EFHD2: variants seen among roughly 807,000 people sequenced by gnomAD.
The protein encoded by EFHD2 is EF-hand domain-containing protein D2.
In EFHD2, 12 loss-of-function variants were observed where a neutral mutation model predicts 20.3. That is an observed-to-expected ratio of 0.59 (90% CI 0.38 to 0.96). EFHD2 has a LOEUF of 0.96. Ranked by LOEUF, EFHD2 falls within the 40% of genes least tolerant of loss-of-function variation. EFHD2 has a pLI of 0.00. For missense variants in EFHD2, 250 were observed against 334.3 expected, an observed-to-expected ratio of 0.75 and a Z score of 1.97; for synonymous variants, 131 against 143.9, an observed-to-expected ratio of 0.91 and a Z score of 0.64.
rs1707913357 is a variant in EFHD2 at position 15,428,641 on chromosome 1, G to C, written c.640G>C (p.Glu214Gln). 10 of 1,610,914 alleles carry C rather than the reference G, an allele frequency of 6.2e-6. No individual in the cohort carries two copies. The highest frequency in any genetic ancestry group is 8.5e-6 in the Non-Finnish European group (10 of 1,179,024). Residue 214 changes from glutamate (E) to glutamine (Q), a missense_variant, in exon 4 of 4, where the codon GAG becomes CAG. By Grantham distance (29) the Glu-to-Gln change is conservative. Coordinates refer to ENST00000375980, the MANE Select transcript of EFHD2 (RefSeq NM_024329.6). ...SSRFEEEIKA[E>Q]QEERKKQAEE... ...CCGCTTCGAGGAGGAGATCAAGGCAGAGCAGGAGGAAAGGAAGAAGCAGGC... is the reference window on the plus strand; with the variant it reads ...CCGCTTCGAGGAGGAGATCAAGGCACAGCAGGAGGAAAGGAAGAAGCAGGC...
intron 1 of EFHD2, among the ~76,000 whole-genome samples, chr1:15,411,090 A>C (rs1707493324): frequency 6.6e-6 from 1 of 151,302 alleles, no homozygotes; most frequent in South Asian, 2.1e-4. Context: ...CCGGGTTTGG[A>C]AGGCCTCCCT....
In EFHD2 at chr1:15,410,091, AC is replaced by A; in HGVS notation, c.123del (p.Asp42ThrfsTer14). The A allele has an allele frequency of 7.0e-7, 1 of 1,430,250 alleles. No individual in the cohort carries two copies. Among genetic ancestry groups the A allele is most frequent in the Non-Finnish European group, 9.1e-7 (1 of 1,097,004 alleles). 88.6% of individuals were successfully genotyped at this position (1,430,250 alleles called of 1,614,324 possible). On this transcript the variant is annotated frameshift_variant, in exon 1 of 4. Transcript: ENST00000375980. LOFTEE classifies it high-confidence loss of function. Reference sequence around the variant, plus strand: ...GGGCAGCGGCGGCGGCGGCGGGGGCACCCGACGAGGCGGCCGAGGCGCTGGG... The same window carrying A: ...GGGCAGCGGCGGCGGCGGCGGGGGCACCGACGAGGCGGCCGAGGCGCTGGG... ...NGAAAAAAGA[P>X]DEAAEALGSA... is the part of the protein sequence containing the mutation.
At chr1:15,421,135 T>C (rs993724069) in intron 1 of EFHD2, among the ~76,000 whole-genome samples, 3 of 152,108 alleles carry the variant, frequency 2.0e-5, no homozygotes, top group African/African-American at 7.2e-5. Flanking sequence ...GATGAGGAAA[T>C]TGAGGTCTGT....
At chr1:15,418,465 C>A (rs1221666837) in intron 1 of EFHD2, among the ~76,000 whole-genome samples, 1 of 151,614 alleles carries the variant, frequency 6.6e-6, no homozygotes, top group South Asian at 2.1e-4. Flanking sequence ...ACCATCACGC[C>A]CGGCTAATTT....
intron 1 of EFHD2, among the ~76,000 whole-genome samples, chr1:15,418,396 C>A (rs1244000302): frequency 6.7e-6 from 1 of 148,510 alleles, no homozygotes; most frequent in East Asian, 2.0e-4. Flanking sequence ...AGCTCCGCCT[C>A]CTGGGTTCAC....
intron 1 of EFHD2, among the ~76,000 whole-genome samples, chr1:15,420,666 C>T (rs1372340337): frequency 6.6e-6 from 1 of 152,144 alleles, no homozygotes; most frequent in South Asian, 2.1e-4. Flanking sequence ...ATTACAGGTG[C>T]GTGCCACCAT....
At chr1:15,411,193 C>T (rs577179822) in intron 1 of EFHD2, among the ~76,000 whole-genome samples, 3 of 151,118 alleles carry the variant, frequency 2.0e-5, no homozygotes, top group Admixed American at 2.0e-4. Context: ...CTCCTCCCCA[C>T]TCCGTATATC....
At chr1:15,423,209 A>G (rs766953299) in intron 1 of EFHD2, among the ~76,000 whole-genome samples, 4 of 152,154 alleles carry the variant, frequency 2.6e-5, no homozygotes, top group African/African-American at 9.7e-5. Context: ...GGCCTGCCTG[A>G]CCCTCTGAGT....
chr1:15,410,094 C>A lies in EFHD2; in HGVS notation c.123C>A (p.Pro41=). The A allele has an allele frequency of 2.8e-6, 4 of 1,444,094 alleles. No homozygotes were observed. The highest frequency in any genetic ancestry group is 1.4e-5 in the South Asian group (1 of 70,258). 89.5% of individuals were successfully genotyped at this position (1,444,094 alleles called of 1,614,324 possible). The change falls in exon 1 of 4, where the codon CCC becomes CCA. Residue 41 remains proline (P), a synonymous_variant. Coordinates refer to ENST00000375980, the MANE Select transcript of EFHD2 (RefSeq NM_024329.6). ...NGAAAAAAGA[P]DEAAEALGSA... The stretch of plus-strand genomic sequence containing the variant: ...CAGCGGCGGCGGCGGCGGGGGCACC[C>A]GACGAGGCGGCCGAGGCGCTGGGCA...
At position 15,426,274 on chromosome 1, in the gene EFHD2, G is replaced by A. The variant is rs1707871348; in HGVS notation, c.456+256G>A. Among the ~76,000 whole-genome samples, 1 of 152,126 alleles carries A rather than the reference G, an allele frequency of 6.6e-6. No homozygotes were observed. Among genetic ancestry groups the A allele is most frequent in the Admixed American group, 6.5e-5 (1 of 15,280 alleles). ...TTCCTTCACATAGGGAGCATATATTGAGCGATTTCTGTATACTTGACCCTG... is the reference window on the plus strand; with the variant it reads ...TTCCTTCACATAGGGAGCATATATTAAGCGATTTCTGTATACTTGACCCTG... On this transcript the variant is annotated intron_variant, in intron 2 of 3. Transcript: ENST00000375980. The surrounding 1 kb of genome is among the most constrained non-coding windows in gnomAD (Gnocchi z 4.6).
rs777804720 is a variant in EFHD2, at chr1:15,427,135, C to G, written c.457-15C>G. Reference sequence around the variant, plus strand: ...CCTCCCTTCCTGACACCGCGCGCCTCCCTCCCCGCTGCAGTTCCTCCTGAT... The same window carrying G: ...CCTCCCTTCCTGACACCGCGCGCCTGCCTCCCCGCTGCAGTTCCTCCTGAT... On this transcript the variant is annotated splice_polypyrimidine_tract_variant and intron_variant, in intron 2 of 3. Coordinates refer to ENST00000375980, the MANE Select transcript of EFHD2 (RefSeq NM_024329.6). 12 of 1,610,438 alleles carry G rather than the reference C, an allele frequency of 7.5e-6. No homozygotes were observed.
rs2103266771 is a variant in EFHD2, at chr1:15,410,056, G to A, written c.85G>A (p.Gly29Arg). Residue 29 changes from glycine to arginine, a missense_variant, in exon 1 of 4, where the codon GGG (glycine) becomes AGG (arginine). Around this residue, in one of 3 missense-constraint regions of EFHD2, gnomAD observed 143 missense variants for 190.6 expected, o/e 0.75. Coordinates refer to ENST00000375980, the MANE Select transcript of EFHD2 (RefSeq NM_024329.6). ...CGGCGGCGAGACCCCGGAGCAGCCC[G>A]GGCTGAACGGGGCAGCGGCGGCGGC... ...EGGGETPEQP[G>R]LNGAAAAAAG... 5.2e-6 allele frequency: 7 copies of A among 1,350,140 alleles called. No individual in the cohort carries two copies. The highest frequency in any genetic ancestry group is 5.7e-6 in the Non-Finnish European group (6 of 1,055,776). The allele number at this position is 1,350,140 out of a possible 1,614,324, so 83.6% of individuals were successfully genotyped here.
chr1:15,416,999 T>G (rs1360061364), intron 1 of EFHD2, among the ~76,000 whole-genome samples: 1 of 151,928 alleles, frequency 6.6e-6, no homozygotes, highest in African/African-American at 2.4e-5. Flanking sequence ...TTTGTAGAGA[T>G]GGGGTCTCAT....
intron 1 of EFHD2, among the ~76,000 whole-genome samples, chr1:15,417,165 C>T (rs553563398): frequency 3.9e-5 from 6 of 152,292 alleles, no homozygotes; most frequent in African/African-American, 1.4e-4. Flanking sequence ...GTTTAAGAAG[C>T]GCTAAGCCTC....
intron 1 of EFHD2, among the ~76,000 whole-genome samples, chr1:15,419,320 G>A (rs1402629059): frequency 6.6e-6 from 1 of 152,246 alleles, no homozygotes; most frequent in Non-Finnish European, 1.5e-5. Flanking sequence ...TCAAGGGGAG[G>A]CAGATAGGAA....
Position 15,409,900 on chromosome 1 carries a change from G to A in EFHD2, c.-72G>A. 1 of 1,191,026 alleles carries A rather than the reference G, an allele frequency of 8.4e-7. No homozygotes were observed. The highest frequency in any genetic ancestry group is 1.0e-6 in the Non-Finnish European group (1 of 963,070). The allele number at this position is 1,191,026 out of a possible 1,614,324, so 73.8% of individuals were successfully genotyped here. A position where few individuals can be genotyped will look rare whatever the true frequency, so the allele number is the denominator to read the frequency against. On this transcript the variant is annotated 5_prime_UTR_variant, in exon 1 of 4. Coordinates refer to ENST00000375980, the MANE Select transcript of EFHD2 (RefSeq NM_024329.6). Reference sequence around the variant, plus strand: ...TGCCTGGCCCGGGGAGTGTCAGGAAGAGGAAGAGCGCGGCCGGCGGCGCTG... The same window carrying A: ...TGCCTGGCCCGGGGAGTGTCAGGAAAAGGAAGAGCGCGGCCGGCGGCGCTG...
Position 15,430,199 on chromosome 1 carries a change from T to A in EFHD2, c.*1475T>A, listed in dbSNP as rs1354712757. On this transcript the variant is annotated 3_prime_UTR_variant, in exon 4 of 4. Transcript: ENST00000375980. ...TATACAGATGAATATAAAATGTTTT[T>A]TTCTTTGGGCTTTTTGCTTCTTTTT... The A allele has an allele frequency of 6.5e-6, 1 of 152,682 alleles. No homozygotes were observed. The highest frequency in any genetic ancestry group is 2.4e-5 in the African/African-American group (1 of 41,456). 9.5% of individuals were successfully genotyped at this position (152,682 alleles called of 1,614,324 possible). A position where few individuals can be genotyped will look rare whatever the true frequency, so the allele number is the denominator to read the frequency against.
At chr1:15,428,540 A>G in intron 3 of EFHD2, 53 bp from the exon 4 acceptor site, 1 of 1,567,538 alleles carries the variant, frequency 6.4e-7, no homozygotes, top group South Asian at 1.2e-5. Context: ...AGCACAGAGA[A>G]CCCCCAACAT....
chr1:15,421,072 T>G (rs1320421249), intron 1 of EFHD2, among the ~76,000 whole-genome samples: 1 of 152,198 alleles, frequency 6.6e-6, no homozygotes, highest in Non-Finnish European at 1.5e-5. Flanking sequence ...TTGTATCGTC[T>G]CTTTTAATCC....
Sources: gnomAD v4.1 joint callset for allele counts (sites outside exome capture counted in the v4.1 genomes callset) on GRCh38, gnomAD v4.1.1 for gene constraint, gnomAD v4.1.1 regional missense constraint, Gnocchi (gnomAD v3.1) non-coding constraint, MANE v1.5 for transcripts, NCBI Gene and HGNC (gene_info 2026-07-23, HGNC 2026-07-21) for gene names.